The following PTPN20 variants were observed in gnomAD, a reference collection of about 807,000 sequenced individuals.
PTPN20 encodes tyrosine-protein phosphatase non-receptor type 20.
PTPN20 carries 9 observed loss-of-function variants against 35.0 expected under a neutral mutation model. The ratio of observed to expected loss-of-function variants is 0.26; its 90% CI spans 0.15 to 0.45. The LOEUF (loss-of-function observed/expected upper bound fraction) is 0.45. Among genes scored for constraint, PTPN20 ranks in the 20% least tolerant of loss-of-function variants. The pLI is 1.00. For missense variants in PTPN20, 111 were observed against 312.5 expected, an observed-to-expected ratio of 0.36 and a Z score of 4.86; for synonymous variants, 32 against 100.2, an observed-to-expected ratio of 0.32 and a Z score of 4.06.
In PTPN20 at chr10:46,999,942, A is replaced by G; in HGVS notation, c.1165A>G (p.Arg389Gly). 1.2e-6 allele frequency: 2 copies of G among 1,613,842 alleles called. No homozygotes were observed. Among genetic ancestry groups the G allele is most frequent in the Non-Finnish European group, 8.5e-7 (1 of 1,179,746 alleles). Residue 389 changes from arginine (R) to glycine (G), a missense_variant, in exon 10 of 11, where the codon AGA (arginine) becomes GGA (glycine). Transcript: ENST00000374339. ...FNIMDIVAQM[R>G]EQRSGMVQTK... Reference sequence around the variant, plus strand: ...CATCATGGATATAGTGGCCCAAATGAGAGAACAACGTTCTGGCATGGTTCA... The same window carrying G: ...CATCATGGATATAGTGGCCCAAATGGGAGAACAACGTTCTGGCATGGTTCA...
At chr10:46,949,337 C>T (rs1286842545) in intron 5 of PTPN20, among the ~76,000 whole-genome samples, 1 of 152,210 alleles carries the variant, frequency 6.6e-6, no homozygotes, top group African/African-American at 2.4e-5. Context: ...TCACACTGGC[C>T]CACATCCAGC....
At position 46,957,595 on chromosome 10, in the gene PTPN20, G is replaced by T. The variant is rs1292475217; in HGVS notation, c.341-7391G>T. On this transcript the variant is annotated intron_variant, in intron 5 of 10. Transcript: ENST00000374339. ...AAAGTACAAAAATTAGCCAGACGTGGTAGCAGTTGCCTGTAATCCCAGCTA... is the reference window on the plus strand; with the variant it reads ...AAAGTACAAAAATTAGCCAGACGTGTTAGCAGTTGCCTGTAATCCCAGCTA... 1.2e-3 allele frequency among the ~76,000 whole-genome samples: 186 copies of T among 152,006 alleles called. 1 individual carries two copies. In the East Asian group the frequency reaches 0.014, roughly 12 times the overall value.
At chr10:46,976,444 G>T (rs1589757438) in intron 7 of PTPN20, among the ~76,000 whole-genome samples, 1 of 107,740 alleles carries the variant, frequency 9.3e-6, no homozygotes, top group Admixed American at 9.6e-5. Context: ...TATCCTTGTT[G>T]GTTTTAGGAA....
intron 3 of PTPN20, among the ~76,000 whole-genome samples, chr10:46,941,822 T>C (rs2043617674): frequency 8.7e-6 from 1 of 114,964 alleles, no homozygotes; most frequent in Non-Finnish European, 1.7e-5. Context: ...ATGGTTTTTA[T>C]AGTGTTGGGA....
intron 9 of PTPN20, among the ~76,000 whole-genome samples, chr10:46,992,533 C>T (rs1284702579): frequency 1.3e-5 from 2 of 150,864 alleles, no homozygotes; most frequent in Non-Finnish European, 2.9e-5. Context: ...ATGCTTCCAA[C>T]TGTATTATGA....
At chr10:46,992,643 C>T (rs2058215690) in intron 9 of PTPN20, among the ~76,000 whole-genome samples, 1 of 152,096 alleles carries the variant, frequency 6.6e-6, no homozygotes, top group Non-Finnish European at 1.5e-5. Flanking sequence ...TACCAAATTC[C>T]TTGGATTAGG....
chr10:46,940,995 G>A (rs1185625525), intron 3 of PTPN20, among the ~76,000 whole-genome samples: 1 of 151,666 alleles, frequency 6.6e-6, no homozygotes, highest in Non-Finnish European at 1.5e-5. Flanking sequence ...CATGAAGTAT[G>A]AAGCACCTTT....
chr10:46,993,448 T>C (rs1320276284), intron 9 of PTPN20, among the ~76,000 whole-genome samples: 5 of 152,296 alleles, frequency 3.3e-5, no homozygotes, highest in African/African-American at 1.2e-4. Context: ...GTTGATGCAG[T>C]AGGTCAGGGG....
intron 5 of PTPN20, among the ~76,000 whole-genome samples, chr10:46,949,100 G>A (rs1285222127): frequency 1.3e-5 from 2 of 151,898 alleles, no homozygotes; most frequent in East Asian, 3.9e-4. Flanking sequence ...CTCCTGCAGT[G>A]TAAGGCTTTT....
At chr10:46,924,031 A>G (rs2036330436) in intron 1 of PTPN20, among the ~76,000 whole-genome samples, 1 of 151,738 alleles carries the variant, frequency 6.6e-6, no homozygotes, top group South Asian at 2.1e-4. Context: ...ACTTTTGCAT[A>G]TTAACTTTGT....
chr10:46,984,493 C>CAAT lies in PTPN20; in HGVS notation c.847_848insAAT (p.Arg283delinsGlnCys). The CAAT allele has an allele frequency of 6.3e-7, 1 of 1,598,690 alleles. No individual in the cohort carries two copies. The highest frequency in any genetic ancestry group is 8.6e-7 in the Non-Finnish European group (1 of 1,168,562). On this transcript the variant is annotated protein_altering_variant, in exon 8 of 11. Coordinates refer to ENST00000374339, the MANE Select transcript of PTPN20 (RefSeq NM_001042357.5). ...GAAGCCATTGGAATTGAAACACTTCCGTGTATTCCTGGAGAACTACCAGAT... is the reference window on the plus strand; with the variant it reads ...GAAGCCATTGGAATTGAAACACTTCCAATGTGTATTCCTGGAGAACTACCAGAT...
chr10:46,911,861 G>T, intron 1 of PTPN20: 1 of 128,194 alleles, frequency 7.8e-6, no homozygotes, highest in African/African-American at 5.0e-4. Flanking sequence ...CCATCATCAG[G>T]CGCTGAGACA....
At chr10:46,932,351 A>G in intron 1 of PTPN20, 26 bp from the exon 2 acceptor site, 1 of 1,598,616 alleles carries the variant, frequency 6.3e-7, no homozygotes, top group Non-Finnish European at 8.5e-7. Context: ...TAACAGAAAA[A>G]TCTTTGGCTT....
At chr10:46,937,147 A>G (rs2041915395) in intron 2 of PTPN20, among the ~76,000 whole-genome samples, 1 of 147,048 alleles carries the variant, frequency 6.8e-6, no homozygotes, top group Admixed American at 6.8e-5. Context: ...ATATATTTTC[A>G]GGGTATAGAA....
intron 7 of PTPN20, among the ~76,000 whole-genome samples, chr10:46,976,460 G>A (rs1475865263): frequency 2.6e-5 from 3 of 116,940 alleles, no homozygotes; most frequent in African/African-American, 9.4e-5. Flanking sequence ...AGGAATCTTG[G>A]GTTTTAGTTC....
intron 5 of PTPN20, among the ~76,000 whole-genome samples, chr10:46,954,864 C>T (rs1284445485): frequency 5.3e-5 from 8 of 151,354 alleles, no homozygotes; most frequent in Non-Finnish European, 1.0e-4. Context: ...AACTGGCCCT[C>T]CTTATCTGTA....
At chr10:46,944,870 T>A (rs1176390729) in intron 4 of PTPN20, among the ~76,000 whole-genome samples, 2 of 147,778 alleles carry the variant, frequency 1.4e-5, no homozygotes, top group African/African-American at 5.3e-5. Context: ...GTAAATATTA[T>A]TTTAGAGTAA....
intron 1 of PTPN20, among the ~76,000 whole-genome samples, chr10:46,926,389 A>G (rs2037385921): frequency 6.6e-6 from 1 of 151,760 alleles, no homozygotes; most frequent in Non-Finnish European, 1.5e-5. Flanking sequence ...GGTCAATTGT[A>G]GGTAAGCCTT....
Position 47,001,219 on chromosome 10 carries a change from C to CT in PTPN20, c.*483dup, listed in dbSNP as rs1241791082. The CT allele has an allele frequency of 3.0e-5, 5 of 168,234 alleles. No individual in the cohort carries two copies. The highest frequency in any genetic ancestry group is 1.1e-4 in the Admixed American group (2 of 18,152). The allele number at this position is 168,234 out of a possible 1,614,324, so 10.4% of individuals were successfully genotyped here. A position where few individuals can be genotyped will look rare whatever the true frequency, so the allele number is the denominator to read the frequency against. ...TCATGTTCTTTAGCTAGAGCCTGTA[C>CT]TTTTTGCTGGCATTTGAATAACCCA... is the stretch of plus-strand genomic sequence containing the variant. On this transcript the variant is annotated 3_prime_UTR_variant, in exon 11 of 11. Coordinates refer to ENST00000374339, the MANE Select transcript of PTPN20 (RefSeq NM_001042357.5).
Sources: allele counts gnomAD v4.1 joint callset (sites outside exome capture counted in the v4.1 genomes callset), GRCh38; gene constraint gnomAD v4.1.1; transcripts MANE v1.5; gene names NCBI Gene and HGNC (gene_info 2026-07-23, HGNC 2026-07-21).